EGFLAM: variants seen among roughly 807,000 people sequenced by gnomAD.
EGFLAM encodes the protein EGF like, fibronectin type III and laminin G domains.
Under a neutral mutation model 113.1 loss-of-function variants are expected in EGFLAM, and 79 were observed. That is an observed-to-expected ratio of 0.70 (90% confidence interval 0.58 to 0.84). The LOEUF (loss-of-function observed/expected upper bound fraction) is 0.84. Among genes scored for constraint, EGFLAM ranks in the 40% least tolerant of loss-of-function variants. The pLI is 0.00. For missense variants in EGFLAM, 1,265 were observed against 1,291.6 expected (o/e 0.98, Z 0.32); for synonymous variants, 504 against 487.6 (o/e 1.03, Z -0.44).
At chr5:38,341,598 A>G (rs1739339249) in intron 3 of EGFLAM, among the ~76,000 whole-genome samples, 2 of 152,252 alleles carry the variant, frequency 1.3e-5, no homozygotes, top group Admixed American at 1.3e-4. Context: ...TGGAACAGTT[A>G]GACATTTCTT....
At chr5:38,342,677 G>A (rs1362409451) in intron 3 of EGFLAM, among the ~76,000 whole-genome samples, 2 of 151,996 alleles carry the variant, frequency 1.3e-5, no homozygotes. Context: ...AACAAATCAG[G>A]GCAATTTGGT....
chr5:38,383,414 CT>C (rs78824068), intron 6 of EGFLAM, among the ~76,000 whole-genome samples: 4,348 of 134,812 alleles, frequency 0.032, 90 homozygotes, highest in Admixed American at 0.082. Flanking sequence ...TTTGTCAGGC[CT>C]TTTTTTTTTT....
chr5:38,459,317 T>G (rs1214992112), intron 20 of EGFLAM, among the ~76,000 whole-genome samples: 1 of 152,054 alleles, frequency 6.6e-6, no homozygotes, highest in Non-Finnish European at 1.5e-5. Flanking sequence ...TTTTTTTTTT[T>G]TTACACATTA....
intron 5 of EGFLAM, among the ~76,000 whole-genome samples, chr5:38,356,734 T>C (rs1739771564): frequency 6.6e-6 from 1 of 152,210 alleles, no homozygotes; most frequent in Admixed American, 6.5e-5. Context: ...CAGCATTTAA[T>C]GTTTGGCTGC....
At chr5:38,404,277 G>A (rs184258794) in intron 6 of EGFLAM, among the ~76,000 whole-genome samples, 3 of 152,146 alleles carry the variant, frequency 2.0e-5, no homozygotes, top group Non-Finnish European at 4.4e-5. Flanking sequence ...CCAAGGAGGG[G>A]CCTTTGGGAG....
chr5:38,357,159 G>A (rs1354745024), intron 5 of EGFLAM, among the ~76,000 whole-genome samples: 2 of 152,182 alleles, frequency 1.3e-5, no homozygotes, highest in Non-Finnish European at 2.9e-5. Flanking sequence ...AGGTGGCTGA[G>A]GCAGGAGGAT....
At chr5:38,273,794 T>A (rs1030128368) in intron 1 of EGFLAM, among the ~76,000 whole-genome samples, 1 of 152,218 alleles carries the variant, frequency 6.6e-6, no homozygotes, top group Non-Finnish European at 1.5e-5. Flanking sequence ...GTGCAGACAT[T>A]GACACATGAC....
chr5:38,383,540 A>G (rs996712451), intron 6 of EGFLAM, among the ~76,000 whole-genome samples: 5 of 152,138 alleles, frequency 3.3e-5, no homozygotes, highest in African/African-American at 1.2e-4. Context: ...ACAGTTTCCA[A>G]AATGTGTATT....
intron 14 of EGFLAM, 84 bp downstream of exon 14, chr5:38,427,336 C>T (rs1742049781): frequency 1.9e-6 from 3 of 1,559,632 alleles, no homozygotes; most frequent in Non-Finnish European, 2.6e-6. Context: ...CGCCATTCAA[C>T]AGCTCACACT....
intron 1 of EGFLAM, among the ~76,000 whole-genome samples, chr5:38,270,501 A>AC (rs56791652): frequency 6.6e-6 from 1 of 151,562 alleles, no homozygotes; most frequent in African/African-American, 2.4e-5. Context: ...AAAAAAAAAA[A>AC]CAACAAGCAT....
intron 4 of EGFLAM, among the ~76,000 whole-genome samples, chr5:38,351,171 C>T (rs147954972): frequency 7.6e-4 from 113 of 149,366 alleles, no homozygotes; most frequent in African/African-American, 2.4e-3. Context: ...TGTAGTGGCG[C>T]GACCTTGGCT....
chr5:38,301,554 G>A lies in EGFLAM; in HGVS notation c.98-35966G>A, dbSNP rs186300290. Among the ~76,000 whole-genome samples, 172 of 152,268 alleles carry A rather than the reference G, an allele frequency of 1.1e-3. 1 individual carries two copies. The highest frequency in any genetic ancestry group is 3.8e-3 in the African/African-American group (159 of 41,550). On this transcript the variant is annotated intron_variant, in intron 1 of 21. Coordinates refer to ENST00000322350, the MANE Select transcript of EGFLAM (RefSeq NM_152403.4). ...TAAAAGAAATGGGTGGTAGTTGCCTGGAGAAACAGGGTCAGGAGAATTTTT... is the reference window on the plus strand; with the variant it reads ...TAAAAGAAATGGGTGGTAGTTGCCTAGAGAAACAGGGTCAGGAGAATTTTT...
At chr5:38,349,766 T>TAC (rs748306970) in intron 3 of EGFLAM, among the ~76,000 whole-genome samples, 1,757 of 107,620 alleles carry the variant, frequency 0.016, 19 homozygotes, top group Non-Finnish European at 0.019. Context: ...GCAGGGGAAG[T>TAC]ACACACGCAC....
At chr5:38,417,914 C>T (rs1741703647) in intron 11 of EGFLAM, 152 bp from the exon 12 acceptor site, 2 of 756,560 alleles carry the variant, frequency 2.6e-6, no homozygotes, top group African/African-American at 1.8e-5. Context: ...TTTAATTTTC[C>T]AGTAAGGCAA....
chr5:38,432,167 A>G (rs1742208985), intron 15 of EGFLAM, among the ~76,000 whole-genome samples: 1 of 152,230 alleles, frequency 6.6e-6, no homozygotes, highest in African/African-American at 2.4e-5. Context: ...CTTAGTTCCC[A>G]CCAGTTTTCA....
At chr5:38,379,536 G>T (rs762744411) in intron 6 of EGFLAM, among the ~76,000 whole-genome samples, 2 of 152,136 alleles carry the variant, frequency 1.3e-5, no homozygotes, top group Admixed American at 6.5e-5. Context: ...GAGGGGATCC[G>T]TTGGCAGTTG....
chr5:38,342,249 T>G (rs1201705751), intron 3 of EGFLAM, among the ~76,000 whole-genome samples: 1 of 152,156 alleles, frequency 6.6e-6, no homozygotes, highest in African/African-American at 2.4e-5. Context: ...TCTCTGAAGG[T>G]TGAAGTAATT....
chr5:38,430,554 G>C (rs1470029727), intron 14 of EGFLAM, among the ~76,000 whole-genome samples: 2 of 152,214 alleles, frequency 1.3e-5, no homozygotes, highest in African/African-American at 4.8e-5. Flanking sequence ...CTCATGGCTA[G>C]ATTGACAAAA....
intron 1 of EGFLAM, among the ~76,000 whole-genome samples, chr5:38,267,678 G>C (rs888633930): frequency 4.6e-5 from 7 of 152,312 alleles, no homozygotes; most frequent in Non-Finnish European, 1.0e-4. Context: ...TCTGGCATAA[G>C]AATTTACAGC....
Sources: allele counts gnomAD v4.1 joint callset (sites outside exome capture counted in the v4.1 genomes callset), GRCh38; gene constraint gnomAD v4.1.1; transcripts MANE v1.5; gene names NCBI Gene and HGNC (gene_info 2026-07-23, HGNC 2026-07-21).